Variants in ARHGAP24 observed in about 807,000 individuals in gnomAD.
ARHGAP24 encodes Rho GTPase activating protein 24, also known as rho GTPase-activating protein 24.
Under a neutral mutation model 76.4 loss-of-function variants are expected in ARHGAP24, and 50 were observed. The observed-to-expected ratio is 0.65, with a 90% confidence interval of 0.52 to 0.83. The LOEUF is 0.83. Ranked by LOEUF, ARHGAP24 falls within the 40% of genes least tolerant of loss-of-function variation. The pLI is 0.00. For synonymous variants in ARHGAP24, 345 were observed against 323.3 expected (o/e 1.07, Z -0.72); for missense variants, 930 against 914.2 (o/e 1.02, Z -0.22).
chr4:85,945,777 A>AT (rs1200756112), intron 5 of ARHGAP24, among the ~76,000 whole-genome samples: 1 of 151,820 alleles, frequency 6.6e-6, no homozygotes, highest in Non-Finnish European at 1.5e-5. Context: ...AAAAAAAAAA[A>AT]AATTATACAT....
intron 2 of ARHGAP24, among the ~76,000 whole-genome samples, chr4:85,644,873 G>T (rs1721665869): frequency 6.6e-6 from 1 of 152,094 alleles, no homozygotes; most frequent in South Asian, 2.1e-4. Context: ...TCATTAAATT[G>T]TCATAGTTCA....
chr4:85,922,668 G>A (rs1735791549), intron 3 of ARHGAP24, among the ~76,000 whole-genome samples: 1 of 152,142 alleles, frequency 6.6e-6, no homozygotes, highest in African/African-American at 2.4e-5. Context: ...GTGAAGGGGT[G>A]CAGGCTCTGA....
rs1415197702 is a variant in ARHGAP24, at chr4:85,972,130, T to C, written c.694T>C (p.Leu232=). 1.2e-5 allele frequency: 19 copies of C among 1,613,986 alleles called. No homozygotes were observed. Among genetic ancestry groups the C allele is most frequent in the Non-Finnish European group, 1.6e-5 (19 of 1,179,970 alleles). The change falls in exon 6 of 10, where the codon TTG becomes CTG. Residue 232 remains leucine, a synonymous_variant. Transcript: ENST00000395184. ...VIPYAKYEDF[L]SCAKLLSKEE... Reference sequence around the variant, plus strand: ...TCCTTATGCGAAGTATGAAGATTTTTTGTCATGTGCCAAACTGCTCAGCAA... The same window carrying C: ...TCCTTATGCGAAGTATGAAGATTTTCTGTCATGTGCCAAACTGCTCAGCAA...
chr4:85,599,166 G>A (rs1372141596), intron 2 of ARHGAP24, among the ~76,000 whole-genome samples: 4 of 152,062 alleles, frequency 2.6e-5, no homozygotes, highest in Non-Finnish European at 5.9e-5. Context: ...GGGAGAGGAG[G>A]GATTAGAAGG....
Position 85,994,929 on chromosome 4 carries a change from C to T in ARHGAP24, c.1275C>T (p.Ala425=). ...SPPLMVKKNP[A]FNKGSGIVTN... ...CTCTCATGGTCAAAAAGAACCCAGC[C>T]TTTAATAAGGGTAGTGGGATAGTTA... Residue 425 remains alanine (A), a synonymous_variant, in exon 9 of 10, where the codon GCC becomes GCT. Transcript: ENST00000395184. The T allele has an allele frequency of 2.5e-6, 4 of 1,614,066 alleles. No homozygotes were observed. Among genetic ancestry groups the T allele is most frequent in the South Asian group, 2.2e-5 (2 of 91,074 alleles).
At chr4:85,600,066 C>T (rs1428435683) in intron 2 of ARHGAP24, among the ~76,000 whole-genome samples, 4 of 152,080 alleles carry the variant, frequency 2.6e-5, no homozygotes, top group Admixed American at 2.6e-4. Flanking sequence ...AAATCATGTA[C>T]TGAAATAGAC....
At chr4:85,900,171 C>A (rs62315533) in intron 3 of ARHGAP24, among the ~76,000 whole-genome samples, 15,148 of 152,180 alleles carry the variant, frequency 0.1, 816 homozygotes, top group South Asian at 0.13. Context: ...ACCTGCTAAT[C>A]TATATATTTG....
chr4:85,870,198 A>T (rs1470846517), intron 3 of ARHGAP24, among the ~76,000 whole-genome samples: 1 of 152,150 alleles, frequency 6.6e-6, no homozygotes, highest in African/African-American at 2.4e-5. Context: ...TTATATTATC[A>T]TATACTATAT....
At chr4:85,797,152 AT>A (rs758994539) in intron 3 of ARHGAP24, among the ~76,000 whole-genome samples, 4 of 136,712 alleles carry the variant, frequency 2.9e-5, no homozygotes, top group Middle Eastern at 3.8e-3. Context: ...AGGAAAAAAA[AT>A]TTTTTTTGTT....
intron 2 of ARHGAP24, among the ~76,000 whole-genome samples, chr4:85,657,588 C>T (rs1314180792): frequency 6.6e-6 from 1 of 152,154 alleles, no homozygotes; most frequent in South Asian, 2.1e-4. Context: ...TAGAAAACTT[C>T]GTGTCAGCTT....
chr4:85,525,278 G>A (rs17383297), intron 1 of ARHGAP24, among the ~76,000 whole-genome samples: 4,532 of 93,248 alleles, frequency 0.049, 113 homozygotes, highest in Admixed American at 0.092. Context: ...TTTTTTTACC[G>A]TAGCTCACAT....
chr4:85,786,724 C>T (rs1424132794), intron 3 of ARHGAP24, among the ~76,000 whole-genome samples: 2 of 152,068 alleles, frequency 1.3e-5, no homozygotes, highest in South Asian at 2.1e-4. Context: ...TGAATGCTTC[C>T]CTTCTTCCTT....
chr4:85,797,913 A>G (rs1027035346), intron 3 of ARHGAP24, among the ~76,000 whole-genome samples: 2 of 152,224 alleles, frequency 1.3e-5, no homozygotes, highest in Non-Finnish European at 2.9e-5. Context: ...AAATAGAGAC[A>G]CAATATCTGA....
intron 3 of ARHGAP24, among the ~76,000 whole-genome samples, chr4:85,842,045 CT>C (rs1730621405): frequency 6.6e-6 from 1 of 152,008 alleles, no homozygotes; most frequent in African/African-American, 2.4e-5. Context: ...AAGTTATTGC[CT>C]GTTGAATTTG....
At chr4:85,597,400 AT>A (rs1326118809) in intron 2 of ARHGAP24, among the ~76,000 whole-genome samples, 2 of 152,046 alleles carry the variant, frequency 1.3e-5, no homozygotes, top group Admixed American at 6.6e-5. Flanking sequence ...AAACCAGGTC[AT>A]TATTGGAGAA....
At chr4:85,511,455 A>G (rs948632917) in intron 1 of ARHGAP24, among the ~76,000 whole-genome samples, 30 of 151,226 alleles carry the variant, frequency 2.0e-4, no homozygotes, top group South Asian at 6.2e-4. Flanking sequence ...TTATTTTATT[A>G]TTTTATTTTA....
intron 2 of ARHGAP24, among the ~76,000 whole-genome samples, chr4:85,687,328 G>A (rs931409810): frequency 3.3e-5 from 5 of 151,928 alleles, no homozygotes; most frequent in African/African-American, 1.2e-4. Context: ...TTGCTCCATG[G>A]GTATATTACA....
At chr4:85,708,856 A>G (rs1292699571) in intron 2 of ARHGAP24, among the ~76,000 whole-genome samples, 1 of 152,224 alleles carries the variant, frequency 6.6e-6, no homozygotes, top group Non-Finnish European at 1.5e-5. Flanking sequence ...GAACAAAATA[A>G]AATGATCTTT....
chr4:85,915,804 T>C (rs1344197476), intron 3 of ARHGAP24, among the ~76,000 whole-genome samples: 1 of 152,228 alleles, frequency 6.6e-6, no homozygotes, highest in African/African-American at 2.4e-5. Context: ...CCACATTTTC[T>C]TTATCCAGTC....
Sources: allele counts gnomAD v4.1 joint callset (sites outside exome capture counted in the v4.1 genomes callset), GRCh38; gene constraint gnomAD v4.1.1; transcripts MANE v1.5; gene names NCBI Gene and HGNC (gene_info 2026-07-23, HGNC 2026-07-21).